RALGDS: variants seen among roughly 807,000 people sequenced by gnomAD.
The protein encoded by RALGDS is ral guanine nucleotide exchange factor.
In RALGDS, 44 loss-of-function variants were observed where a neutral mutation model predicts 99.8. The ratio of observed to expected loss-of-function variants is 0.44; its 90% CI spans 0.35 to 0.57. RALGDS has a LOEUF of 0.57. Among genes scored for constraint, RALGDS ranks in the 20% least tolerant of loss-of-function variants. The pLI is 0.01. For missense variants in RALGDS, 1,022 were observed against 1,203.1 expected, an observed-to-expected ratio of 0.85 and a Z score of 2.23; for synonymous variants, 529 against 505.0, an observed-to-expected ratio of 1.05 and a Z score of -0.64.
chr9:133,110,904 A>C (rs1052093280), intron 2 of RALGDS, among the ~76,000 whole-genome samples: 4 of 152,098 alleles, frequency 2.6e-5, no homozygotes, highest in Non-Finnish European at 4.4e-5. Context: ...CAACATGGCA[A>C]AACCCCATCT....
chr9:133,122,031 G>T (rs768683914), upstream of RALGDS, among the ~76,000 whole-genome samples: 111 of 152,360 alleles, frequency 7.3e-4, 1 homozygote, highest in Non-Finnish European at 9.1e-4. Context: ...CCAAGGTTGG[G>T]GCTGAGAGGC....
Position 133,143,785 on chromosome 9 carries a change from AC to A in RALGDS, c.18+5177del, listed in dbSNP as rs1340966239. Reference sequence around the variant, plus strand: ...AATAATAATAATAACAACAACAACAACAATAATAATAATAATAATAATAATA... The same window carrying A: ...AATAATAATAATAACAACAACAACAAAATAATAATAATAATAATAATAATA... On this transcript the variant is annotated intron_variant, in intron 1 of 17. Transcript: ENST00000393160. 2.1e-3 allele frequency among the ~76,000 whole-genome samples: 220 copies of A among 106,876 alleles called. 7 individuals are homozygous for A. The highest frequency in any genetic ancestry group is 7.4e-4 in the Non-Finnish European group (42 of 56,976). 70.1% of individuals were successfully genotyped at this position (106,876 alleles called of 152,430 possible).
intron 1 of RALGDS, chr9:133,129,270 C>G: frequency 6.3e-7 from 1 of 1,596,156 alleles, no homozygotes; most frequent in African/African-American, 1.3e-5. Flanking sequence ...CCCTTCCTCC[C>G]CCTGGGCACG....
chr9:133,105,759 C>A (rs1358739903), intron 9 of RALGDS, among the ~76,000 whole-genome samples, 173 bp downstream of exon 9: 1 of 152,074 alleles, frequency 6.6e-6, no homozygotes, highest in South Asian at 2.1e-4. Flanking sequence ...GATCCCTCTT[C>A]CCCCTTCACG....
intron 1 of RALGDS, among the ~76,000 whole-genome samples, chr9:133,117,201 C>T (rs941032453): frequency 6.6e-6 from 1 of 152,218 alleles, no homozygotes; most frequent in Non-Finnish European, 1.5e-5. Context: ...AAGTGCTGTG[C>T]AGGCTGCTCC....
chr9:133,122,185 G>C (rs1831976537), upstream of RALGDS, among the ~76,000 whole-genome samples: 1 of 152,252 alleles, frequency 6.6e-6, no homozygotes, highest in South Asian at 2.1e-4. Flanking sequence ...GGGAAGCAGG[G>C]ACAGGGACAT....
upstream of RALGDS, among the ~76,000 whole-genome samples, chr9:133,124,221 G>GGC (rs1832076175): frequency 6.8e-6 from 1 of 146,280 alleles, no homozygotes; most frequent in South Asian, 2.2e-4. Context: ...CAGAGACACA[G>GGC]GCACACACAC....
Position 133,101,248 on chromosome 9 carries a change from G to A in RALGDS, c.2454+272C>T, listed in dbSNP as rs1045365905. The A allele has an allele frequency of 8.3e-6, 11 of 1,320,640 alleles. No homozygotes were observed. The Admixed American group carries it at 2.1e-4, about 25-fold the overall frequency. 81.8% of individuals were successfully genotyped at this position (1,320,640 alleles called of 1,614,324 possible). On this transcript the variant is annotated intron_variant, in intron 16 of 17. Transcript: ENST00000372050. The stretch of plus-strand genomic sequence containing the variant: ...CCTGGCAGGGCTCAGGGCCTATGTG[G>A]CCAGGCCCTGGATACTTCCCTGACC...
chr9:133,105,801 C>G, intron 9 of RALGDS, 131 bp downstream of exon 9: 2 of 806,984 alleles, frequency 2.5e-6, no homozygotes, highest in Non-Finnish European at 3.7e-6. Flanking sequence ...CAGCAAGAAG[C>G]GAATGCCACC....
rs1363042716 is a variant in RALGDS at position 133,105,824 on chromosome 9, AGCCCCC to A, written c.1602+102_1602+107del. 5.3e-3 allele frequency: 385 copies of A among 72,334 alleles called. 34 individuals carry two copies. The African/African-American group carries it at 0.054, about 10-fold the overall frequency. 4.5% of individuals were successfully genotyped at this position (72,334 alleles called of 1,614,324 possible). ...AGCGAATGCCACCGCCCGCCGCCCC[AGCCCCC>A]GCCCCAGCCCCCGCCCCAGCCCCCG... On this transcript the variant is annotated intron_variant, in intron 9 of 17. Transcript: ENST00000372050.
chr9:133,125,294 T>C (rs943698610), upstream of RALGDS, among the ~76,000 whole-genome samples: 4 of 152,296 alleles, frequency 2.6e-5, no homozygotes, highest in Middle Eastern at 3.4e-3. Flanking sequence ...CTGGGATTCA[T>C]GTAAACATCT....
chr9:133,117,603 G>A (rs543831288), intron 1 of RALGDS, among the ~76,000 whole-genome samples: 7 of 152,382 alleles, frequency 4.6e-5, no homozygotes, highest in African/African-American at 1.7e-4. Context: ...AGCTCAGCTT[G>A]TCCTGCATGA....
intron 11 of RALGDS, 167 bp downstream of exon 11, chr9:133,103,580 C>T (rs1390763806): frequency 4.6e-5 from 37 of 801,020 alleles, no homozygotes; most frequent in Non-Finnish European, 6.9e-5. Flanking sequence ...CTGTGTCCCA[C>T]TCAGCCAAAC....
chr9:133,110,536 A>G (rs1831291649), intron 2 of RALGDS, 47 bp from the exon 3 acceptor site: 1 of 1,531,708 alleles, frequency 6.5e-7, no homozygotes. Context: ...CAGCACACGA[A>G]TCTCCTGGAG....
intron 1 of RALGDS, among the ~76,000 whole-genome samples, chr9:133,147,817 T>C (rs1032955982): frequency 4.7e-4 from 71 of 152,316 alleles, no homozygotes; most frequent in African/African-American, 1.7e-3. Context: ...GAGCAGAACC[T>C]GCAGGCTCCA....
intron 16 of RALGDS, 76 bp downstream of exon 16, chr9:133,101,444 C>G: frequency 6.2e-7 from 1 of 1,603,050 alleles, no homozygotes; most frequent in Non-Finnish European, 8.5e-7. Flanking sequence ...CCCGGGAGGG[C>G]AGGGATGGTG....
chr9:133,116,150 C>T (rs1831598845), intron 1 of RALGDS, among the ~76,000 whole-genome samples: 1 of 151,404 alleles, frequency 6.6e-6, no homozygotes, highest in African/African-American at 2.4e-5. Context: ...GTGTCCGTGA[C>T]CCTCCTGCCC....
chr9:133,103,912 T>C, intron 10 of RALGDS, 79 bp from the exon 11 acceptor site: 2 of 1,407,096 alleles, frequency 1.4e-6, no homozygotes, highest in Non-Finnish European at 2.0e-6. Flanking sequence ...CTGGTCTCAC[T>C]TGGAACAGCT....
At chr9:133,148,481 CTCTT>C (rs1235986884) in intron 1 of RALGDS, among the ~76,000 whole-genome samples, 2 of 152,198 alleles carry the variant, frequency 1.3e-5, no homozygotes, top group African/African-American at 4.8e-5. Context: ...AGCCCCCGCC[CTCTT>C]TCTTCTTTCC....
Sources: allele counts gnomAD v4.1 joint callset (sites outside exome capture counted in the v4.1 genomes callset), GRCh38; gene constraint gnomAD v4.1.1; transcripts MANE v1.5; gene names NCBI Gene and HGNC (gene_info 2026-07-23, HGNC 2026-07-21).